CD320: variants seen among roughly 807,000 people sequenced by gnomAD.
CD320 encodes the protein CD320 molecule, also known as CD320 antigen.
CD320 carries 16 observed loss-of-function variants against 22.1 expected under a neutral mutation model. The observed-to-expected ratio is 0.73, with a 90% CI of 0.49 to 1.10. CD320 has a LOEUF of 1.10. Among genes scored for constraint, CD320 ranks in the 50% least tolerant of loss-of-function variants. The pLI is 0.00. For missense variants in CD320, 388 were observed against 376.9 expected (o/e 1.03, Z -0.24); for synonymous variants, 188 against 167.8 (o/e 1.12, Z -0.93).
chr19:8,303,629 G>A (rs1371644427), intron 3 of CD320, among the ~76,000 whole-genome samples: 1 of 151,854 alleles, frequency 6.6e-6, no homozygotes, highest in African/African-American at 2.4e-5. Flanking sequence ...TTGCCAGGCA[G>A]GTCTCGAAAT....
In CD320 at chr19:8,308,170, G is replaced by T; in HGVS notation, c.121C>A (p.Pro41Thr). The T allele has an allele frequency of 6.4e-7, 1 of 1,551,676 alleles. No homozygotes were observed. Among genetic ancestry groups the T allele is most frequent in the Non-Finnish European group, 8.6e-7 (1 of 1,157,250 alleles). ...TCACCTGCGGCCTGGGCAGAGGTCG[G>T]GGTGGAAAGCGGGCTCGCGGCGGCC... ...LEAAASPLSTPTSAQAAGPSS... is the reference protein window; with the variant it reads ...LEAAASPLSTTTSAQAAGPSS... The change falls in exon 1 of 5, where the codon CCG becomes ACG. Residue 41 changes from proline (P) to threonine (T), a missense_variant. Physicochemically the swap from Pro to Thr is conservative, Grantham distance 38. Coordinates refer to ENST00000301458, the MANE Select transcript of CD320 (RefSeq NM_016579.4).
chr19:8,307,352 A>C (rs1970106022), intron 1 of CD320, among the ~76,000 whole-genome samples: 1 of 14,000 alleles, frequency 7.1e-5, no homozygotes, highest in South Asian at 4.2e-3. Flanking sequence ...AAAACAAACA[A>C]AAAAAAACCC....
chr19:8,305,403 G>A (rs1568558105), intron 1 of CD320: 1 of 452,416 alleles, frequency 2.2e-6, no homozygotes, highest in African/African-American at 2.0e-5. Context: ...GAACCAAGAG[G>A]AGGCCATACA....
At chr19:8,304,669 T>C (rs75958896) in intron 2 of CD320, 19,231 of 183,980 alleles carry the variant, frequency 0.1, 1,812 homozygotes, top group African/African-American at 0.32. Flanking sequence ...CCTTCCTTTC[T>C]TTCCTTTCTT....
intron 1 of CD320, 23 bp from the exon 2 acceptor site, chr19:8,305,179 G>A: frequency 6.3e-7 from 1 of 1,575,842 alleles, no homozygotes; most frequent in Non-Finnish European, 8.6e-7. Flanking sequence ...TGCAAATGAA[G>A]CCTGGGAAGC....
Position 8,304,175 on chromosome 19 carries a change from C to G in CD320, c.269-87G>C, listed in dbSNP as rs140032322. ...AACCCCATCCCCTGCAAGCCCCACC[C>G]TCTAAGAACAGCTGAGCCCAAAAAA... On this transcript the variant is annotated intron_variant, in intron 2 of 4. Coordinates refer to ENST00000301458, the MANE Select transcript of CD320 (RefSeq NM_016579.4). 6.7e-4 allele frequency: 480 copies of G among 719,554 alleles called. 1 individual carries two copies. In the African/African-American group the frequency reaches 7.9e-3, roughly 12 times the overall value. The allele number at this position is 719,554 out of a possible 1,614,324, so 44.6% of individuals were successfully genotyped here.
In CD320 at chr19:8,305,067, A is replaced by C; in HGVS notation, c.232T>G (p.Leu78Val). The C allele has an allele frequency of 6.2e-7, 1 of 1,611,922 alleles. No individual in the cohort carries two copies. The highest frequency in any genetic ancestry group is 1.1e-5 in the South Asian group (1 of 91,080). Reference sequence around the variant, plus strand: ...TCATCGCTGCCATCGCTGCAGTCCAAGTCCCTGTCGCAGCGCCAGGTGAGG... The same window carrying C: ...TCATCGCTGCCATCGCTGCAGTCCACGTCCCTGTCGCAGCGCCAGGTGAGG... ...VPLTWRCDRD[L>V]DCSDGSDEEE... Residue 78 changes from leucine (L) to valine (V), a missense_variant, in exon 2 of 5, where the codon TTG becomes GTG. By Grantham distance (32) the Leu-to-Val change is conservative (BLOSUM62 1). Coordinates refer to ENST00000301458, the MANE Select transcript of CD320 (RefSeq NM_016579.4).
chr19:8,304,973 A>T (rs1970066657), intron 2 of CD320, 58 bp downstream of exon 2: 1 of 1,592,004 alleles, frequency 6.3e-7, no homozygotes, highest in African/African-American at 1.3e-5. Flanking sequence ...CTGGCCCCTG[A>T]CAAACCACCC....
rs1260929668 is a variant in CD320, at chr19:8,303,846, G to A, written c.502+9C>T. ...CCCACGAGTCCACCCCAGCCCCGCA[G>A]GTGCATACCACAGCCGAGCTCGTCG... On this transcript the variant is annotated intron_variant, in intron 3 of 4. Coordinates refer to ENST00000301458, the MANE Select transcript of CD320 (RefSeq NM_016579.4). 1.3e-6 allele frequency: 2 copies of A among 1,576,122 alleles called. No individual in the cohort carries two copies. Among genetic ancestry groups the A allele is most frequent in the African/African-American group, 1.3e-5 (1 of 74,098 alleles).
chr19:8,304,106 T>A lies in CD320; in HGVS notation c.269-18A>T. 1 of 1,379,968 alleles carries A rather than the reference T, an allele frequency of 7.2e-7. No homozygotes were observed. Among genetic ancestry groups the A allele is most frequent in the Non-Finnish European group, 1.0e-6 (1 of 990,824 alleles). The allele number at this position is 1,379,968 out of a possible 1,614,324, so 85.5% of individuals were successfully genotyped here. A position where few individuals can be genotyped will look rare whatever the true frequency, so the allele number is the denominator to read the frequency against. ...CTCAATCCCTGGGGCACAGGGTTGG[T>A]CAGGTCCCAAATGCCCACCCAAGAA... On this transcript the variant is annotated intron_variant, in intron 2 of 4. Transcript: ENST00000301458.
At chr19:8,307,249 A>G (rs1599624698) in intron 1 of CD320, among the ~76,000 whole-genome samples, 2 of 151,354 alleles carry the variant, frequency 1.3e-5, no homozygotes. Context: ...CCAACATTGC[A>G]CTGCACTCCA....
rs1176172798 is a variant in CD320 at position 8,302,784 on chromosome 19, T to C, written c.699A>G (p.Ala233=). Residue 233 remains alanine (A), a synonymous_variant, in exon 4 of 5, where the codon GCA becomes GCG. Transcript: ENST00000301458. The stretch of plus-strand genomic sequence containing the variant: ...AGGGTAAGTCCCTCTTACCAGCAGC[T>C]GCAATAACCCCATAGGCAGTTGGGC... ...SGSPTAYGVI[A]AAAVLSASLV... 4 of 1,614,048 alleles carry C rather than the reference T, an allele frequency of 2.5e-6. No individual in the cohort carries two copies. In the South Asian group the frequency reaches 3.3e-5, roughly 13 times the overall value.
At chr19:8,306,424 T>A (rs984515283) in intron 1 of CD320, among the ~76,000 whole-genome samples, 1 of 152,154 alleles carries the variant, frequency 6.6e-6, no homozygotes, top group Non-Finnish European at 1.5e-5. Flanking sequence ...GCAGGGAAGC[T>A]CAGCTGCTTG....
At chr19:8,306,487 A>C (rs1166910073) in intron 1 of CD320, among the ~76,000 whole-genome samples, 1 of 152,202 alleles carries the variant, frequency 6.6e-6, no homozygotes. Flanking sequence ...GGACAGAGGA[A>C]GGGAGTGGCC....
intron 1 of CD320, among the ~76,000 whole-genome samples, chr19:8,306,755 T>G (rs985607062): frequency 1.3e-5 from 2 of 152,184 alleles, no homozygotes; most frequent in African/African-American, 4.8e-5. Flanking sequence ...CCCCGGGAGA[T>G]CTGGCAGCCT....
At position 8,308,312 on chromosome 19, in the gene CD320, GC is replaced by G; in HGVS notation, c.-23del. 6.3e-7 allele frequency: 1 copy of G among 1,581,016 alleles called. No individual in the cohort carries two copies. Among genetic ancestry groups the G allele is most frequent in the Middle Eastern group, 1.7e-4 (1 of 5,976 alleles). ...TCATGCTGTCCCCACAGCGGCGCCG[GC>G]CACGCGCTGTCCAGACCGCTCTCTT... On this transcript the variant is annotated 5_prime_UTR_variant, in exon 1 of 5. Coordinates refer to ENST00000301458, the MANE Select transcript of CD320 (RefSeq NM_016579.4).
chr19:8,304,894 T>G (rs1355158863), intron 2 of CD320, 137 bp downstream of exon 2: 1 of 988,916 alleles, frequency 1.0e-6, no homozygotes, highest in Middle Eastern at 3.1e-4. Context: ...CCGCTTCTTA[T>G]GACCCACAGA....
At position 8,302,982 on chromosome 19, in the gene CD320, T is replaced by C. The variant is rs777259220; in HGVS notation, c.503-2A>G. On this transcript the variant is annotated splice_acceptor_variant, in intron 3 of 4. Coordinates refer to ENST00000301458, the MANE Select transcript of CD320 (RefSeq NM_016579.4). LOFTEE classifies it high-confidence loss of function. ...CTTCCGGGAGGATCTCATTGGTTCC[T>C]GCAATAAGCCCAGGCGTTCAGTAGT... 1 of 1,613,696 alleles carries C rather than the reference T, an allele frequency of 6.2e-7. No homozygotes were observed. Among genetic ancestry groups the C allele is most frequent in the Non-Finnish European group, 8.5e-7 (1 of 1,179,766 alleles).
In CD320 at chr19:8,308,161, CAG is replaced by C; in HGVS notation, c.128_129del (p.Ser43CysfsTer43). 1 of 1,544,866 alleles carries C rather than the reference CAG, an allele frequency of 6.5e-7. No homozygotes were observed. The highest frequency in any genetic ancestry group is 1.4e-5 in the African/African-American group (1 of 71,434). On this transcript the variant is annotated frameshift_variant, in exon 1 of 5. Transcript: ENST00000301458. LOFTEE classifies it high-confidence loss of function. Reference sequence around the variant, plus strand: ...GGGCGTCACTCACCTGCGGCCTGGGCAGAGGTCGGGGTGGAAAGCGGGCTCGC... The same window carrying C: ...GGGCGTCACTCACCTGCGGCCTGGGCAGGTCGGGGTGGAAAGCGGGCTCGC... Reference protein sequence around the residue: ...AAASPLSTPTSAQAAGPSSGS... With the variant: ...AAASPLSTPTXAQAAGPSSGS...
Sources: allele counts gnomAD v4.1 joint callset (sites outside exome capture counted in the v4.1 genomes callset), GRCh38; gene constraint gnomAD v4.1.1; transcripts MANE v1.5; gene names NCBI Gene and HGNC (gene_info 2026-07-23, HGNC 2026-07-21).